UVRAG: variants seen among roughly 807,000 people sequenced by gnomAD.
UVRAG encodes the protein UV radiation resistance-associated gene protein.
In UVRAG, 19 loss-of-function variants were observed where a neutral mutation model predicts 78.0. The observed-to-expected ratio is 0.24, with a 90% confidence interval of 0.17 to 0.36. The LOEUF is 0.36. Among genes scored for constraint, UVRAG ranks in the 10% least tolerant of loss-of-function variants. The pLI is 1.00. For missense variants in UVRAG, 740 were observed against 853.8 expected (o/e 0.87, Z 1.66); for synonymous variants, 323 against 324.6 (o/e 1.00, Z 0.05).
At chr11:76,029,547 A>C (rs1950395572) in intron 12 of UVRAG, among the ~76,000 whole-genome samples, 1 of 152,178 alleles carries the variant, frequency 6.6e-6, no homozygotes. Flanking sequence ...AGTTGATTCC[A>C]ACCCTCATGG....
At chr11:76,033,589 A>G (rs989894346) in intron 12 of UVRAG, among the ~76,000 whole-genome samples, 1 of 152,162 alleles carries the variant, frequency 6.6e-6, no homozygotes, top group Non-Finnish European at 1.5e-5. Context: ...TAGCTTTTAG[A>G]TTAACTAAAT....
chr11:76,012,793 ATGTTTGTGTG>A (rs892915346), intron 11 of UVRAG: 11 of 128,018 alleles, frequency 8.6e-5, no homozygotes, highest in East Asian at 2.3e-4. Flanking sequence ...TAAAAAAAAA[ATGTTTGTGTG>A]TGTGTGTGTG....
chr11:75,872,391 C>T (rs912820431), intron 3 of UVRAG, among the ~76,000 whole-genome samples: 9 of 137,186 alleles, frequency 6.6e-5, no homozygotes, highest in Admixed American at 1.5e-4. Context: ...CTAATGCTGC[C>T]TTTTTTTTTT....
intron 13 of UVRAG, among the ~76,000 whole-genome samples, chr11:76,105,963 G>A (rs986613034): frequency 1.3e-5 from 2 of 152,128 alleles, no homozygotes; most frequent in African/African-American, 4.8e-5. Flanking sequence ...AGATATATCT[G>A]CCATTCAACC....
chr11:75,919,484 T>C (rs1440374224), intron 6 of UVRAG, among the ~76,000 whole-genome samples: 4 of 150,064 alleles, frequency 2.7e-5, no homozygotes, highest in African/African-American at 5.1e-5. Flanking sequence ...TGCTCTGTTA[T>C]ACTCTTTGAT....
At chr11:76,080,244 T>A (rs1023953883) in intron 13 of UVRAG, among the ~76,000 whole-genome samples, 2 of 152,182 alleles carry the variant, frequency 1.3e-5, no homozygotes, top group Non-Finnish European at 2.9e-5. Context: ...GTGATTAAAA[T>A]TTTTGTGAAG....
chr11:75,840,026 C>G (rs1945876360), intron 1 of UVRAG, among the ~76,000 whole-genome samples: 1 of 152,114 alleles, frequency 6.6e-6, no homozygotes, highest in African/African-American at 2.4e-5. Context: ...AAGCAAATCA[C>G]AGGCATGCTA....
At chr11:76,117,403 C>A (rs1016171616) in intron 14 of UVRAG, among the ~76,000 whole-genome samples, 6 of 152,166 alleles carry the variant, frequency 3.9e-5, no homozygotes, top group Admixed American at 1.3e-4. Context: ...AAACCAAGTT[C>A]GCTTATCCAT....
chr11:75,880,601 G>A (rs1482759553), intron 4 of UVRAG, among the ~76,000 whole-genome samples: 3 of 152,036 alleles, frequency 2.0e-5, no homozygotes, highest in Admixed American at 2.0e-4. Context: ...TGCCCAGACT[G>A]GAGTGCAATG....
chr11:75,999,250 A>AAGAC (rs1554975482), intron 8 of UVRAG, among the ~76,000 whole-genome samples: 1 of 147,396 alleles, frequency 6.8e-6, no homozygotes, highest in Non-Finnish European at 1.5e-5. Flanking sequence ...AAAAAAAAAA[A>AAGAC]AGTCAACTTT....
chr11:75,907,897 T>A lies in UVRAG; in HGVS notation c.508-4057T>A, dbSNP rs532036404. 1.5e-3 allele frequency among the ~76,000 whole-genome samples: 232 copies of A among 152,080 alleles called. 2 individuals are homozygous for A. Among genetic ancestry groups the A allele is most frequent in the East Asian group, 9.6e-4 (5 of 5,182 alleles). On this transcript the variant is annotated intron_variant, in intron 5 of 14. Coordinates refer to ENST00000356136, the MANE Select transcript of UVRAG (RefSeq NM_003369.4). The stretch of plus-strand genomic sequence containing the variant: ...TTCATGGTGTATAATCTTTAAAAAA[T>A]TTTTTTTGTGGTAAATTACAAATAC...
chr11:76,123,562 G>A (rs928877920), intron 14 of UVRAG, among the ~76,000 whole-genome samples: 2 of 152,124 alleles, frequency 1.3e-5, no homozygotes, highest in African/African-American at 2.4e-5. Flanking sequence ...AGATTTCAAA[G>A]CCATCTGTCC....
intron 6 of UVRAG, among the ~76,000 whole-genome samples, chr11:75,925,050 C>T (rs754360489): frequency 2.4e-4 from 37 of 152,108 alleles, no homozygotes; most frequent in Non-Finnish European, 1.5e-4. Context: ...TGTCTCTGCC[C>T]CTGTCCTTTA....
At chr11:76,102,014 G>A (rs73498221) in intron 13 of UVRAG, among the ~76,000 whole-genome samples, 3,617 of 152,146 alleles carry the variant, frequency 0.024, 136 homozygotes, top group African/African-American at 0.081. Context: ...TGGACAGCGT[G>A]GTGTCTCCTG....
intron 1 of UVRAG, among the ~76,000 whole-genome samples, chr11:75,824,039 T>G (rs2135807663): frequency 6.6e-6 from 1 of 152,334 alleles, no homozygotes; most frequent in Middle Eastern, 3.4e-3. Context: ...TTTGCTAATC[T>G]AATTTAATCA....
chr11:76,015,861 T>C (rs1320505778), intron 11 of UVRAG, among the ~76,000 whole-genome samples: 1 of 152,234 alleles, frequency 6.6e-6, no homozygotes, highest in Non-Finnish European at 1.5e-5. Flanking sequence ...ATTTCAGCCC[T>C]TCTTCTCTAG....
At chr11:76,055,496 C>T (rs1004771612) in intron 12 of UVRAG, among the ~76,000 whole-genome samples, 6 of 152,144 alleles carry the variant, frequency 3.9e-5, no homozygotes, top group African/African-American at 1.2e-4. Context: ...CTAGATTCTG[C>T]GGTTACATTT....
At chr11:75,877,866 AC>A (rs774545843) in intron 3 of UVRAG, among the ~76,000 whole-genome samples, 2 of 85,670 alleles carry the variant, frequency 2.3e-5, no homozygotes, top group Non-Finnish European at 4.6e-5. Flanking sequence ...CGGGGGGCTG[AC>A]CCCCCCACCT....
chr11:76,034,316 C>T (rs1950489997), intron 12 of UVRAG, among the ~76,000 whole-genome samples: 4 of 152,006 alleles, frequency 2.6e-5, no homozygotes, highest in Admixed American at 2.6e-4. Context: ...CTCAGCCTCC[C>T]GAATACCTGG....
Sources: gnomAD v4.1 joint callset for allele counts (sites outside exome capture counted in the v4.1 genomes callset) on GRCh38, gnomAD v4.1.1 for gene constraint, MANE v1.5 for transcripts, NCBI Gene and HGNC (gene_info 2026-07-23, HGNC 2026-07-21) for gene names.